The following TGFBRAP1 variants were observed in gnomAD, a reference collection of about 807,000 sequenced individuals.
TGFBRAP1 encodes the protein transforming growth factor-beta receptor-associated protein 1.
TGFBRAP1 carries 20 observed loss-of-function variants against 83.2 expected under a neutral mutation model. The observed-to-expected ratio is 0.24, with a 90% CI of 0.17 to 0.35. The LOEUF (loss-of-function observed/expected upper bound fraction) is 0.35, where lower values mean the gene tolerates loss of function less well. TGFBRAP1 is among the 10% of genes least tolerant of loss of function. The pLI is 1.00. For synonymous variants in TGFBRAP1, 415 were observed against 459.8 expected, an observed-to-expected ratio of 0.90 and a Z score of 1.25; for missense variants, 950 against 1,099.4, an observed-to-expected ratio of 0.86 and a Z score of 1.92.
At chr2:105,291,060 G>A (rs908984925) in intron 4 of TGFBRAP1, among the ~76,000 whole-genome samples, 4 of 152,098 alleles carry the variant, frequency 2.6e-5, no homozygotes, top group Non-Finnish European at 1.5e-5. Context: ...GAAGGTGGTG[G>A]CTGTTACGGA....
chr2:105,300,442 T>C (rs1558645462), intron 2 of TGFBRAP1, among the ~76,000 whole-genome samples: 1 of 127,234 alleles, frequency 7.9e-6, no homozygotes, highest in Non-Finnish European at 1.6e-5. Flanking sequence ...ATCTTTTTTT[T>C]TTTTTTTTTT....
chr2:105,311,427 T>C (rs981878418), intron 1 of TGFBRAP1, among the ~76,000 whole-genome samples: 2 of 151,716 alleles, frequency 1.3e-5, no homozygotes, highest in Non-Finnish European at 2.9e-5. Context: ...ACAAAAAAAA[T>C]ATAAAAACTT....
At chr2:105,296,756 C>CTTTTTTTTT (rs60031957) in intron 3 of TGFBRAP1, among the ~76,000 whole-genome samples, 12 of 73,214 alleles carry the variant, frequency 1.6e-4, no homozygotes, top group East Asian at 4.8e-4. Flanking sequence ...CTTTTTTTGC[C>CTTTTTTTTT]TTTTTTTTTT....
At chr2:105,258,191 C>T in the TGFBRAP1 span, among the ~76,000 whole-genome samples, 1 of 152,190 alleles carries the variant, frequency 6.6e-6, no homozygotes, top group South Asian at 2.1e-4. Flanking sequence ...CAAGGCCACT[C>T]GCCAGCTCAT....
intron 1 of TGFBRAP1, among the ~76,000 whole-genome samples, chr2:105,325,468 T>C (rs1370900142): frequency 6.6e-6 from 1 of 152,174 alleles, no homozygotes; most frequent in East Asian, 1.9e-4. Context: ...TGTTCGTGAC[T>C]CCAAGGCCAT....
intron 1 of TGFBRAP1, among the ~76,000 whole-genome samples, chr2:105,308,633 C>T (rs1368034263): frequency 1.3e-5 from 2 of 152,192 alleles, no homozygotes; most frequent in African/African-American, 4.8e-5. Flanking sequence ...CTGGGAGACA[C>T]GCTTGAAGGC....
At chr2:105,315,881 G>T (rs79926060) in intron 1 of TGFBRAP1, among the ~76,000 whole-genome samples, 6,374 of 152,122 alleles carry the variant, frequency 0.042, 154 homozygotes, top group Middle Eastern at 0.075. Flanking sequence ...TCCACAAAAA[G>T]ACCTGTATAA....
intron 4 of TGFBRAP1, among the ~76,000 whole-genome samples, chr2:105,286,751 T>C (rs934658369): frequency 1.3e-5 from 2 of 152,196 alleles, no homozygotes; most frequent in Non-Finnish European, 2.9e-5. Flanking sequence ...AAGTTGAAAC[T>C]GAAGTCAAAA....
chr2:105,320,970 T>C (rs1018825215), intron 1 of TGFBRAP1, among the ~76,000 whole-genome samples: 7 of 152,158 alleles, frequency 4.6e-5, no homozygotes, highest in African/African-American at 1.7e-4. Context: ...CGCTAGTCCA[T>C]ATGAAAAGTA....
chr2:105,281,781 G>A (rs900243371), intron 5 of TGFBRAP1, among the ~76,000 whole-genome samples: 6 of 152,006 alleles, frequency 3.9e-5, no homozygotes, highest in African/African-American at 1.2e-4. Context: ...TGCTGTGGTT[G>A]TTTCCTGGCC....
intron 6 of TGFBRAP1, 33 bp from the exon 7 acceptor site, chr2:105,277,704 T>A (rs1190401894): frequency 6.2e-7 from 1 of 1,609,236 alleles, no homozygotes; most frequent in East Asian, 2.2e-5. Context: ...GTACAACCTC[T>A]CCCCATCAGC....
At chr2:105,311,015 CCT>C (rs1040420800) in intron 1 of TGFBRAP1, among the ~76,000 whole-genome samples, 1 of 151,910 alleles carries the variant, frequency 6.6e-6, no homozygotes, top group Admixed American at 6.6e-5. Flanking sequence ...AATTCCAGCC[CCT>C]GTCTTCAGTT....
chr2:105,254,058 G>GT, the TGFBRAP1 span, among the ~76,000 whole-genome samples: 1,135 of 144,428 alleles, frequency 7.9e-3, 11 homozygotes, highest in African/African-American at 0.023. Flanking sequence ...GATATTCAAG[G>GT]TTTTTTTTTT....
rs369302125 is a variant in TGFBRAP1 at position 105,284,563 on chromosome 2, T to C, written c.1039-165A>G. ...GAAATTATATGTATCTGTCTCTTTA[T>C]GGTTTTATTTTTGTAATTCCCCAAT... is the stretch of plus-strand genomic sequence containing the variant. On this transcript the variant is annotated intron_variant, in intron 4 of 11. Transcript: ENST00000393359. Among the ~76,000 whole-genome samples, 4 of 152,310 alleles carry C rather than the reference T, an allele frequency of 2.6e-5. No individual in the cohort carries two copies. In the East Asian group the frequency reaches 5.8e-4, roughly 22 times the overall value.
intron 4 of TGFBRAP1, among the ~76,000 whole-genome samples, chr2:105,286,556 C>T (rs1677726504): frequency 6.6e-6 from 1 of 152,138 alleles, no homozygotes; most frequent in South Asian, 2.1e-4. Flanking sequence ...AGTGGATGCT[C>T]CAAGTTTCTT....
the TGFBRAP1 span, among the ~76,000 whole-genome samples, chr2:105,258,911 A>G: frequency 1.3e-5 from 2 of 152,252 alleles, no homozygotes; most frequent in African/African-American, 4.8e-5. Context: ...CTTGTTTTCC[A>G]GCATTTGTGT....
chr2:105,268,364 G>A (rs78412617), intron 11 of TGFBRAP1, among the ~76,000 whole-genome samples: 1,849 of 152,200 alleles, frequency 0.012, 49 homozygotes, highest in African/African-American at 0.043. Flanking sequence ...CTGTGAATGC[G>A]AACACCAAGT....
Position 105,269,385 on chromosome 2 carries a change from G to T in TGFBRAP1, c.2293C>A (p.Leu765Ile). The change falls in exon 11 of 12, where the codon CTC becomes ATC. Residue 765 changes from leucine to isoleucine, a missense_variant. Coordinates refer to ENST00000393359, the MANE Select transcript of TGFBRAP1 (RefSeq NM_004257.6). This position sits in a 1 kb window ranked among gnomAD's most constrained non-coding sequence, Gnocchi z 4.1. ...GCCCCCATCAGGAATGGGCAGAGGA[G>T]CTGCACTGACCAGGTGTCAGGCAGC... ...QMLPDTWSVQ[L>I]LCPFLMGAMR... 1 of 1,614,048 alleles carries T rather than the reference G, an allele frequency of 6.2e-7. No individual in the cohort carries two copies. The highest frequency in any genetic ancestry group is 8.5e-7 in the Non-Finnish European group (1 of 1,180,028).
At position 105,269,566 on chromosome 2, in the gene TGFBRAP1, G is replaced by A. The variant is rs771800045; in HGVS notation, c.2112C>T (p.Ser704=). 1.1e-5 allele frequency: 17 copies of A among 1,611,350 alleles called. No homozygotes were observed. Among genetic ancestry groups the A allele is most frequent in the East Asian group, 2.2e-5 (1 of 44,800 alleles). Residue 704 remains serine (S), a synonymous_variant, in exon 11 of 12, where the codon TCC becomes TCT. Coordinates refer to ENST00000393359, the MANE Select transcript of TGFBRAP1 (RefSeq NM_004257.6). This position sits in a 1 kb window ranked among gnomAD's most constrained non-coding sequence, Gnocchi z 4.1. ...AAAEDYCLWC[S]EGRDPPHRQQ... is the part of the protein sequence containing the mutation. ...GGCGGTGGGGTGGGTCTCGGCCCTCGGAGCACCACAGGCAGTAGTCCTCGG... is the reference window on the plus strand; with the variant it reads ...GGCGGTGGGGTGGGTCTCGGCCCTCAGAGCACCACAGGCAGTAGTCCTCGG...
Sources: allele counts gnomAD v4.1 joint callset (sites outside exome capture counted in the v4.1 genomes callset), GRCh38; gene constraint gnomAD v4.1.1; non-coding constraint Gnocchi (gnomAD v3.1); transcripts MANE v1.5; gene names NCBI Gene and HGNC (gene_info 2026-07-23, HGNC 2026-07-21).